The following CRACD variants were observed in gnomAD, a reference collection of about 807,000 sequenced individuals.
CRACD encodes capping protein-inhibiting regulator of actin dynamics.
A neutral mutation model predicts 106.8 loss-of-function variants in CRACD; 56 were observed. The ratio of observed to expected loss-of-function variants is 0.52; its 90% CI spans 0.42 to 0.66. The LOEUF is 0.66. CRACD is among the 30% of genes least tolerant of loss of function. The probability of loss-of-function intolerance (pLI) is 0.00; values close to 1 mark genes in which losing one functional copy is unlikely to be tolerated. For synonymous variants in CRACD, 754 were observed against 670.8 expected (o/e 1.12, Z -1.92); for missense variants, 1,730 against 1,623.2 (o/e 1.07, Z -1.13).
intron 2 of CRACD, among the ~76,000 whole-genome samples, chr4:56,215,495 T>A (rs1019574608): frequency 6.6e-6 from 1 of 152,258 alleles, no homozygotes; most frequent in African/African-American, 2.4e-5. Flanking sequence ...ATGATTGAAT[T>A]GGCAGTTTAT....
Position 56,314,239 on chromosome 4 carries a change from G to C in CRACD, c.737G>C (p.Arg246Thr), listed in dbSNP as rs1359771033. 1.9e-6 allele frequency: 3 copies of C among 1,587,616 alleles called. No individual in the cohort carries two copies. In the Admixed American group the frequency reaches 5.5e-5, roughly 29 times the overall value. ...CAAAAGGCGGAAGCAGCCGAGAAGA[G>C]ACGCCTAGAGGAGCAGAGGCTGCAG... ...KRQKAEAAEK[R>T]RLEEQRLQAL... The change falls in exon 8 of 11, where the codon AGA (arginine) becomes ACA (threonine). Residue 246 changes from arginine (R) to threonine (T), a missense_variant. Arg to Thr is a moderately conservative substitution (Grantham distance 71). Transcript: ENST00000682029. This position sits in a 1 kb window ranked among gnomAD's most constrained non-coding sequence, Gnocchi z 4.4.
chr4:56,232,979 T>A (rs1440332041), intron 2 of CRACD, among the ~76,000 whole-genome samples: 1 of 152,076 alleles, frequency 6.6e-6, no homozygotes, highest in East Asian at 1.9e-4. Context: ...CCCACCTGCC[T>A]CAGCATCCCT....
intron 2 of CRACD, among the ~76,000 whole-genome samples, chr4:56,270,000 G>A (rs1742254625): frequency 6.6e-6 from 1 of 152,168 alleles, no homozygotes; most frequent in Non-Finnish European, 1.5e-5. Flanking sequence ...ATGTATAGCA[G>A]GCATCTGATA....
intron 1 of CRACD, among the ~76,000 whole-genome samples, chr4:56,175,039 C>G (rs1736526094): frequency 6.6e-6 from 1 of 152,152 alleles, no homozygotes; most frequent in Non-Finnish European, 1.5e-5. Context: ...AAATCCATCC[C>G]CATGATCCAG....
At chr4:56,251,142 G>A (rs979860962) in intron 2 of CRACD, among the ~76,000 whole-genome samples, 13 of 152,186 alleles carry the variant, frequency 8.5e-5, no homozygotes, top group Admixed American at 8.5e-4. Context: ...GTCTAGGAAG[G>A]GAAGCCCTGA....
intron 2 of CRACD, among the ~76,000 whole-genome samples, chr4:56,237,489 C>A (rs185289420): frequency 2.0e-5 from 3 of 152,220 alleles, no homozygotes; most frequent in African/African-American, 7.2e-5. Flanking sequence ...TGATTCATGA[C>A]TCACTAGCTT....
chr4:56,052,332 A>G (rs1731906833), intron 1 of CRACD, among the ~76,000 whole-genome samples: 1 of 152,178 alleles, frequency 6.6e-6, no homozygotes, highest in African/African-American at 2.4e-5. Flanking sequence ...TTTTTATTCT[A>G]TTTTATTTAA....
intron 2 of CRACD, among the ~76,000 whole-genome samples, chr4:56,245,964 G>A (rs946855237): frequency 5.3e-5 from 8 of 152,134 alleles, no homozygotes; most frequent in Non-Finnish European, 8.8e-5. Flanking sequence ...GTTATGTACC[G>A]TGTGCCTCAT....
chr4:56,130,021 C>A (rs1734776057), intron 1 of CRACD, among the ~76,000 whole-genome samples: 1 of 152,148 alleles, frequency 6.6e-6, no homozygotes, highest in Admixed American at 6.6e-5. Context: ...TATGTGTAGT[C>A]ATGGCACTTT....
At chr4:56,077,078 G>A (rs1732863932) in intron 1 of CRACD, among the ~76,000 whole-genome samples, 1 of 152,166 alleles carries the variant, frequency 6.6e-6, no homozygotes, top group African/African-American at 2.4e-5. Flanking sequence ...TTTGAACAGT[G>A]TGATATTAGT....
At chr4:56,252,393 G>T (rs1185559753) in intron 2 of CRACD, among the ~76,000 whole-genome samples, 1 of 152,132 alleles carries the variant, frequency 6.6e-6, no homozygotes, top group Non-Finnish European at 1.5e-5. Context: ...CTTACATGAG[G>T]CCAGAATTAG....
intron 1 of CRACD, among the ~76,000 whole-genome samples, chr4:56,104,498 A>T (rs1192917465): frequency 2.6e-5 from 4 of 152,216 alleles, no homozygotes; most frequent in Non-Finnish European, 5.9e-5. Context: ...AAGAGGGATG[A>T]TAATGAGTTG....
At chr4:56,081,756 G>A (rs371334463) in intron 1 of CRACD, among the ~76,000 whole-genome samples, 2 of 152,156 alleles carry the variant, frequency 1.3e-5, no homozygotes, top group South Asian at 2.1e-4. Context: ...CGGGTGGATC[G>A]CTTGAGGTCA....
At position 56,316,300 on chromosome 4, in the gene CRACD, A is replaced by C. The variant is rs1424460808; in HGVS notation, c.2798A>C (p.His933Pro). The C allele has an allele frequency of 2.5e-6, 4 of 1,613,666 alleles. No individual in the cohort carries two copies. The highest frequency in any genetic ancestry group is 3.4e-6 in the Non-Finnish European group (4 of 1,179,858). The change falls in exon 8 of 11, where the codon CAC (histidine) becomes CCC (proline). Residue 933 changes from histidine to proline, a missense_variant. His to Pro is a moderately conservative substitution (Grantham distance 77). This residue lies in a region of CRACD where 1,620 missense variants were observed against 1,481.6 expected (regional missense o/e 1.09). Coordinates refer to ENST00000682029, the MANE Select transcript of CRACD (RefSeq NM_001393381.1). ...AGCAGCCGCTCTGTTCCTGTGGCCCACCCTGGGCCTCCACCGGCCAGCAGC... is the reference window on the plus strand; with the variant it reads ...AGCAGCCGCTCTGTTCCTGTGGCCCCCCCTGGGCCTCCACCGGCCAGCAGC... ...PSSSRSVPVAHPGPPPASSQT... is the reference protein window; with the variant it reads ...PSSSRSVPVAPPGPPPASSQT...
At chr4:56,085,372 A>T (rs1733179669) in intron 1 of CRACD, among the ~76,000 whole-genome samples, 1 of 151,844 alleles carries the variant, frequency 6.6e-6, no homozygotes, top group Non-Finnish European at 1.5e-5. Context: ...TTTACCTTCA[A>T]GTGGAAATTA....
intron 2 of CRACD, among the ~76,000 whole-genome samples, chr4:56,252,106 A>G (rs1741089019): frequency 6.6e-6 from 1 of 152,212 alleles, no homozygotes; most frequent in South Asian, 2.1e-4. Flanking sequence ...GTCATGACCC[A>G]CTAAATTGAT....
intron 1 of CRACD, among the ~76,000 whole-genome samples, chr4:56,145,704 C>T (rs117729107): frequency 6.6e-6 from 1 of 152,062 alleles, no homozygotes; most frequent in South Asian, 2.1e-4. Context: ...CTCCATCTCC[C>T]AGGTTCAGGC....
intron 3 of CRACD, among the ~76,000 whole-genome samples, chr4:56,275,999 A>G (rs1742651828): frequency 6.6e-6 from 1 of 152,226 alleles, no homozygotes; most frequent in African/African-American, 2.4e-5. Flanking sequence ...AAATGTTCCC[A>G]TGACTGAGAA....
intron 1 of CRACD, among the ~76,000 whole-genome samples, chr4:56,097,721 G>C (rs1180351997): frequency 6.6e-6 from 1 of 152,158 alleles, no homozygotes; most frequent in African/African-American, 2.4e-5. Flanking sequence ...AATGGTGAAA[G>C]GGTCAATGGC....
Sources: gnomAD v4.1 joint callset for allele counts (sites outside exome capture counted in the v4.1 genomes callset) on GRCh38, gnomAD v4.1.1 for gene constraint, gnomAD v4.1.1 regional missense constraint, Gnocchi (gnomAD v3.1) non-coding constraint, MANE v1.5 for transcripts, NCBI Gene and HGNC (gene_info 2026-07-23, HGNC 2026-07-21) for gene names.